The following TBC1D22A variants were observed in gnomAD, a reference collection of about 807,000 sequenced individuals.
TBC1D22A encodes the protein putative GTPase activator.
In TBC1D22A, 38 loss-of-function variants were observed where a neutral mutation model predicts 60.2. That is an observed-to-expected ratio of 0.63 (90% CI 0.49 to 0.83). The LOEUF (loss-of-function observed/expected upper bound fraction) is 0.83. Ranked by LOEUF, TBC1D22A falls within the 40% of genes least tolerant of loss-of-function variation. TBC1D22A has a pLI of 0.00. For missense variants in TBC1D22A, 628 were observed against 701.0 expected, an observed-to-expected ratio of 0.90 and a Z score of 1.18; for synonymous variants, 302 against 281.7, an observed-to-expected ratio of 1.07 and a Z score of -0.72.
intron 1 of TBC1D22A, among the ~76,000 whole-genome samples, chr22:46,770,153 G>A (rs574566451): frequency 6.6e-6 from 1 of 152,332 alleles, no homozygotes; most frequent in South Asian, 2.1e-4. Context: ...ACATGGTGTG[G>A]GATGGACTCC....
At chr22:47,041,839 G>A (rs538059108) in intron 11 of TBC1D22A, among the ~76,000 whole-genome samples, 1 of 152,386 alleles carries the variant, frequency 6.6e-6, no homozygotes, top group South Asian at 2.1e-4. Context: ...TTGAAGCACA[G>A]AAGCAGCCAC....
intron 12 of TBC1D22A, among the ~76,000 whole-genome samples, chr22:47,170,602 C>T (rs1039690118): frequency 4.6e-5 from 7 of 152,312 alleles, no homozygotes; most frequent in East Asian, 1.9e-4. Context: ...AATTGGAAGA[C>T]GGTCCTGGTG....
chr22:47,161,840 C>T (rs9626946), intron 12 of TBC1D22A, among the ~76,000 whole-genome samples: 91,261 of 151,920 alleles, frequency 0.6, 27,596 homozygotes, highest in East Asian at 0.71. Flanking sequence ...CTTCGAGCAT[C>T]CTCAGCTGTT....
chr22:47,054,136 G>A (rs1603190357), intron 11 of TBC1D22A, among the ~76,000 whole-genome samples: 1 of 152,308 alleles, frequency 6.6e-6, no homozygotes, highest in East Asian at 1.9e-4. Flanking sequence ...TGACTCAAGA[G>A]CCCCCCAGCA....
chr22:46,833,283 G>T (rs1464384153), intron 4 of TBC1D22A, among the ~76,000 whole-genome samples: 1 of 152,196 alleles, frequency 6.6e-6, no homozygotes, highest in Non-Finnish European at 1.5e-5. Flanking sequence ...TAAGTTGTTT[G>T]GACTGAAGGT....
intron 8 of TBC1D22A, among the ~76,000 whole-genome samples, chr22:46,927,262 G>C (rs922294563): frequency 6.6e-6 from 1 of 152,192 alleles, no homozygotes; most frequent in Non-Finnish European, 1.5e-5. Flanking sequence ...ATTATTACAA[G>C]TGGAATTTAT....
intron 12 of TBC1D22A, among the ~76,000 whole-genome samples, chr22:47,157,915 G>A (rs1394569296): frequency 6.6e-6 from 1 of 152,158 alleles, no homozygotes; most frequent in African/African-American, 2.4e-5. Flanking sequence ...GTGAGGCAGG[G>A]GTAACTGGGG....
intron 5 of TBC1D22A, among the ~76,000 whole-genome samples, chr22:46,881,062 G>A (rs1011167740): frequency 6.6e-6 from 1 of 152,000 alleles, no homozygotes; most frequent in African/African-American, 2.4e-5. Flanking sequence ...ACACAGTAGG[G>A]GTGGGACAAG....
chr22:47,065,581 AAGATTT>A (rs2063722725), intron 11 of TBC1D22A, among the ~76,000 whole-genome samples: 4 of 44,954 alleles, frequency 8.9e-5, no homozygotes, highest in Admixed American at 3.0e-4. Context: ...AGTATTAGTG[AAGATTT>A]CATTGTGTTT....
intron 11 of TBC1D22A, among the ~76,000 whole-genome samples, chr22:47,058,729 AG>A (rs1477488402): frequency 6.6e-6 from 1 of 152,130 alleles, no homozygotes; most frequent in African/African-American, 2.4e-5. Flanking sequence ...AGGCTCGCTG[AG>A]GCCCAGGCCT....
chr22:46,873,193 A>G (rs1336538991), intron 4 of TBC1D22A, among the ~76,000 whole-genome samples: 1 of 152,248 alleles, frequency 6.6e-6, no homozygotes, highest in Non-Finnish European at 1.5e-5. Flanking sequence ...ATGAATGAAT[A>G]ATAAAATTTT....
At chr22:47,110,296 A>G (rs1471304473) in intron 11 of TBC1D22A, among the ~76,000 whole-genome samples, 2 of 152,114 alleles carry the variant, frequency 1.3e-5, no homozygotes, top group Non-Finnish European at 2.9e-5. Context: ...CCTGGCCAAC[A>G]TGGTGAAACC....
At chr22:46,864,779 A>G (rs1344783110) in intron 4 of TBC1D22A, among the ~76,000 whole-genome samples, 2 of 150,754 alleles carry the variant, frequency 1.3e-5, no homozygotes, top group African/African-American at 5.0e-5. Context: ...CCGAGGGAGT[A>G]CCGTGGGCAG....
intron 8 of TBC1D22A, among the ~76,000 whole-genome samples, chr22:46,946,705 T>G (rs2072568762): frequency 6.6e-6 from 1 of 152,204 alleles, no homozygotes. Context: ...TTTCATTCAT[T>G]CAGTCACAGC....
chr22:46,962,604 C>T (rs539884191), intron 8 of TBC1D22A, among the ~76,000 whole-genome samples: 1 of 152,316 alleles, frequency 6.6e-6, no homozygotes, highest in African/African-American at 2.4e-5. Flanking sequence ...ACGATGCCAG[C>T]GTCCCACAGT....
chr22:47,011,250 G>A (rs1177884606), intron 10 of TBC1D22A, among the ~76,000 whole-genome samples: 1 of 152,140 alleles, frequency 6.6e-6, no homozygotes, highest in African/African-American at 2.4e-5. Flanking sequence ...CAGGGGACTT[G>A]CCTGTCTCTG....
chr22:46,889,408 A>G (rs947013707), intron 5 of TBC1D22A, among the ~76,000 whole-genome samples: 15 of 152,216 alleles, frequency 9.9e-5, no homozygotes, highest in Admixed American at 2.6e-4. Flanking sequence ...ATTCTCATAC[A>G]TTGCTTGTCG....
intron 11 of TBC1D22A, among the ~76,000 whole-genome samples, chr22:47,040,866 A>G (rs1038494057): frequency 2.6e-5 from 4 of 152,140 alleles, no homozygotes; most frequent in African/African-American, 9.7e-5. Flanking sequence ...GCAGCAGCCA[A>G]GCCGGCCTCC....
intron 1 of TBC1D22A, chr22:46,763,745 A>C (rs1258089104): frequency 6.6e-6 from 1 of 152,132 alleles, no homozygotes; most frequent in Non-Finnish European, 1.5e-5. Context: ...CATAATAAAT[A>C]TTATTGTTTG....
Sources: allele counts gnomAD v4.1 joint callset (sites outside exome capture counted in the v4.1 genomes callset), GRCh38; gene constraint gnomAD v4.1.1; transcripts MANE v1.5; gene names NCBI Gene and HGNC (gene_info 2026-07-23, HGNC 2026-07-21).